The following MTOR variants were observed in gnomAD, a reference collection of about 807,000 sequenced individuals.
MTOR encodes the protein serine/threonine-protein kinase mTOR.
MTOR carries 70 observed loss-of-function variants against 319.8 expected under a neutral mutation model. The observed-to-expected ratio is 0.22, with a 90% CI of 0.18 to 0.27. The LOEUF (loss-of-function observed/expected upper bound fraction) is 0.27, where lower values mean the gene tolerates loss of function less well. Among genes scored for constraint, MTOR ranks in the 10% least tolerant of loss-of-function variants. MTOR has a pLI of 1.00. For synonymous variants in MTOR, 1,183 were observed against 1,211.4 expected, an observed-to-expected ratio of 0.98 and a Z score of 0.49; for missense variants, 1,890 against 3,274.4, an observed-to-expected ratio of 0.58 and a Z score of 10.32.
intron 26 of MTOR, among the ~76,000 whole-genome samples, chr1:11,201,988 T>G (rs1645984546): frequency 6.6e-6 from 1 of 152,100 alleles, no homozygotes; most frequent in Non-Finnish European, 1.5e-5. Flanking sequence ...TTCATTTTTG[T>G]AGAGATAGAG....
At chr1:11,131,637 C>T (rs1234188694) in intron 38 of MTOR, 1 of 152,250 alleles carries the variant, frequency 6.6e-6, no homozygotes, top group Non-Finnish European at 1.5e-5. Flanking sequence ...GAAGGAAGAA[C>T]CGCTGGTGCT....
At position 11,256,002 on chromosome 1, in the gene MTOR, T is replaced by C; in HGVS notation, c.695A>G (p.Gln232Arg). 1.9e-6 allele frequency: 3 copies of C among 1,614,078 alleles called. No homozygotes were observed. The highest frequency in any genetic ancestry group is 2.5e-6 in the Non-Finnish European group (3 of 1,180,018). ...GAGCCATCTCCTTACCCTGTACCAC[T>C]GAGGCTTCTGCATCTCCTTCGGCTC... ...QREPKEMQKP[Q>R]WYRHTFEEAE... The change falls in exon 5 of 58, where the codon CAG becomes CGG. Residue 232 changes from glutamine (Q) to arginine (R), a missense_variant. By Grantham distance (43) the Gln-to-Arg change is conservative (BLOSUM62 1). Transcript: ENST00000361445.
At chr1:11,139,159 G>T in intron 36 of MTOR, 145 bp downstream of exon 36, 1 of 1,154,990 alleles carries the variant, frequency 8.7e-7, no homozygotes. Context: ...AGGCCAAATA[G>T]CTTTGTAACA....
rs374537374 is a variant in MTOR at position 11,218,322 on chromosome 1, C to T, written c.3031-2088G>A. 2.2e-3 allele frequency among the ~76,000 whole-genome samples: 338 copies of T among 151,632 alleles called. 3 individuals are homozygous for T. Among genetic ancestry groups the T allele is most frequent in the African/African-American group, 6.7e-3 (277 of 41,296 alleles). ...GCATGTGCCTGTAATCCCAGCTACT[C>T]GGGAGGCTGAGGCAGGAGAATTGCT... On this transcript the variant is annotated intron_variant, in intron 19 of 57. Coordinates refer to ENST00000361445, the MANE Select transcript of MTOR (RefSeq NM_004958.4).
At position 11,210,854 on chromosome 1, in the gene MTOR, T is replaced by C. The variant is rs758059953; in HGVS notation, c.3614A>G (p.Asn1205Ser). ...VNKVLVRHRINHQRYDVLICR... is the reference protein window; with the variant it reads ...VNKVLVRHRISHQRYDVLICR... ...GATGAGCACATCATAGCGCTGATGA[T>C]TGATTCGGTGTCGCACCAGAACTTT... Residue 1205 changes from asparagine to serine, a missense_variant, in exon 24 of 58, where the codon AAT becomes AGT. By Grantham distance (46) the Asn-to-Ser change is conservative (BLOSUM62 1). This residue lies in a region of MTOR where 115 missense variants were observed against 105.7 expected (regional missense o/e 1.09). Coordinates refer to ENST00000361445, the MANE Select transcript of MTOR (RefSeq NM_004958.4). 17 of 1,613,896 alleles carry C rather than the reference T, an allele frequency of 1.1e-5. No individual in the cohort carries two copies. The highest frequency in any genetic ancestry group is 9.3e-5 in the African/African-American group (7 of 74,932).
intron 49 of MTOR, among the ~76,000 whole-genome samples, chr1:11,119,089 T>C (rs568562837): frequency 2.6e-5 from 4 of 152,170 alleles, no homozygotes; most frequent in African/African-American, 9.6e-5. Flanking sequence ...TAAGAAAATA[T>C]AGGTAAAAAA....
chr1:11,201,255 G>A (rs1352040437), intron 26 of MTOR, among the ~76,000 whole-genome samples: 1 of 152,166 alleles, frequency 6.6e-6, no homozygotes, highest in Non-Finnish European at 1.5e-5. Context: ...AAAACATTGT[G>A]TATATCACAA....
chr1:11,182,093 T>C (rs1036887029), intron 28 of MTOR, among the ~76,000 whole-genome samples: 3 of 152,106 alleles, frequency 2.0e-5, no homozygotes, highest in African/African-American at 7.2e-5. Flanking sequence ...AGTGCATGAC[T>C]GTAATCCCAG....
chr1:11,130,078 A>T (rs1570946894), intron 39 of MTOR, among the ~76,000 whole-genome samples: 1 of 152,158 alleles, frequency 6.6e-6, no homozygotes, highest in Non-Finnish European at 1.5e-5. Context: ...TGGAGGGAGG[A>T]GGTGGAGCTG....
At chr1:11,198,807 T>C (rs1408490237) in intron 28 of MTOR, among the ~76,000 whole-genome samples, 2 of 152,236 alleles carry the variant, frequency 1.3e-5, no homozygotes, top group Non-Finnish European at 2.9e-5. Context: ...CTGCCTTTTA[T>C]ATTCACAAAA....
At chr1:11,119,215 G>A (rs978508675) in intron 49 of MTOR, among the ~76,000 whole-genome samples, 4 of 151,874 alleles carry the variant, frequency 2.6e-5, no homozygotes, top group African/African-American at 4.8e-5. Flanking sequence ...CGGATAACTC[G>A]AGGCTAGGAG....
intron 1 of MTOR, among the ~76,000 whole-genome samples, chr1:11,261,935 GTGT>G (rs1651189160): frequency 6.6e-6 from 1 of 152,262 alleles, no homozygotes; most frequent in South Asian, 2.1e-4. Context: ...TATCCTAATG[GTGT>G]TGATAGGGCT....
At chr1:11,231,109 C>A (rs1647001091) in intron 17 of MTOR, 55 bp from the exon 18 acceptor site, 2 of 1,612,048 alleles carry the variant, frequency 1.2e-6, no homozygotes, top group Admixed American at 1.7e-5. Flanking sequence ...ATGATTACAA[C>A]AAGTATCACG....
rs780838551 is a variant in MTOR, at chr1:11,217,567, A to AT, written c.3031-1334dup. ...AGGCGCCCGCCACCATGCCCGGCTA[A>AT]TTTTTTTTTTTTTTTGTATTTTTTT... is the stretch of plus-strand genomic sequence containing the variant. On this transcript the variant is annotated intron_variant, in intron 19 of 57. Coordinates refer to ENST00000361445, the MANE Select transcript of MTOR (RefSeq NM_004958.4). Among the ~76,000 whole-genome samples, 722 of 139,552 alleles carry AT rather than the reference A, an allele frequency of 5.2e-3. 1 individual carries two copies. Among genetic ancestry groups the AT allele is most frequent in the Non-Finnish European group, 8.0e-3 (505 of 63,488 alleles). The allele number at this position is 139,552 out of a possible 152,430, so 91.6% of individuals were successfully genotyped here. A position where few individuals can be genotyped will look rare whatever the true frequency, so the allele number is the denominator to read the frequency against.
At chr1:11,184,086 T>G (rs1251019447) in intron 28 of MTOR, among the ~76,000 whole-genome samples, 1 of 152,248 alleles carries the variant, frequency 6.6e-6, no homozygotes, top group African/African-American at 2.4e-5. Context: ...AATCTTGATA[T>G]GTAGTAGTGT....
Position 11,128,400 on chromosome 1 carries a change from G to T in MTOR, c.5910+54C>A. The T allele has an allele frequency of 6.4e-7, 1 of 1,560,978 alleles. No individual in the cohort carries two copies. The highest frequency in any genetic ancestry group is 8.8e-7 in the Non-Finnish European group (1 of 1,133,074). On this transcript the variant is annotated intron_variant, in intron 42 of 57. Coordinates refer to ENST00000361445, the MANE Select transcript of MTOR (RefSeq NM_004958.4). The surrounding 1 kb of genome is among the most constrained non-coding windows in gnomAD (Gnocchi z 5.3). ...GTGTCGCCAGGGCAGCTTTTGGAAA[G>T]GCTGACCACCAAACCAGTGGTTAGA...
chr1:11,258,167 A>G (rs1650669334), intron 3 of MTOR, among the ~76,000 whole-genome samples: 1 of 151,960 alleles, frequency 6.6e-6, no homozygotes, highest in Non-Finnish European at 1.5e-5. Flanking sequence ...TCCATTCGTG[A>G]GCCCCACTAT....
intron 28 of MTOR, among the ~76,000 whole-genome samples, chr1:11,182,826 A>G (rs1645201649): frequency 6.6e-6 from 1 of 152,250 alleles, no homozygotes; most frequent in South Asian, 2.1e-4. Context: ...GCTGAACAGT[A>G]TTTCACGGTG....
intron 26 of MTOR, among the ~76,000 whole-genome samples, chr1:11,200,562 C>A (rs193299407): frequency 6.6e-6 from 1 of 152,208 alleles, no homozygotes; most frequent in East Asian, 1.9e-4. Flanking sequence ...ACAGGATATA[C>A]CTACAATGGA....
Sources: allele counts gnomAD v4.1 joint callset (sites outside exome capture counted in the v4.1 genomes callset), GRCh38; gene constraint gnomAD v4.1.1; regional missense constraint gnomAD v4.1.1; non-coding constraint Gnocchi (gnomAD v3.1); transcripts MANE v1.5; gene names NCBI Gene and HGNC (gene_info 2026-07-23, HGNC 2026-07-21).